RASSF1: variants seen among roughly 807,000 people sequenced by gnomAD.
The protein encoded by RASSF1 is ras association domain-containing protein 1.
RASSF1 carries 33 observed loss-of-function variants against 34.3 expected under a neutral mutation model. The observed-to-expected ratio is 0.96, with a 90% CI of 0.73 to 1.29. RASSF1 has a LOEUF of 1.29. RASSF1 is among the 50% of genes most tolerant of loss of function. The pLI is 0.00. For synonymous variants in RASSF1, 191 were observed against 195.0 expected (o/e 0.98, Z 0.17); for missense variants, 445 against 471.8 (o/e 0.94, Z 0.53).
Position 50,331,837 on chromosome 3 carries a change from G to A in RASSF1, c.482C>T (p.Thr161Ile), listed in dbSNP as rs1575540521. Residue 161 changes from threonine to isoleucine, a missense_variant, in exon 4 of 6, where the codon ACA becomes ATA. Thr to Ile is a moderately conservative substitution (Grantham distance 89). Transcript: ENST00000359365. ...CTTCAGCTGAACCTTGATGAAGCCT[G>A]TGTAAGAACCGTCCTTGTTCTAAAG... ...FMSLNKDGSY[T>I]GFIKVQLKLV... 1 of 1,574,946 alleles carries A rather than the reference G, an allele frequency of 6.3e-7. No individual in the cohort carries two copies. Among genetic ancestry groups the A allele is most frequent in the Non-Finnish European group, 8.6e-7 (1 of 1,156,166 alleles).
rs1264442279 is a variant in RASSF1 at position 50,340,810 on chromosome 3, C to G, written c.-5G>C. ...GAGCTCAGGCTCCCCCGACATGGCC[C>G]GGTTGGGCCCGTGCTTCGCTGGCTT... On this transcript the variant is annotated 5_prime_UTR_variant, in exon 1 of 6. Transcript: ENST00000359365. The G allele has an allele frequency of 2.0e-6, 3 of 1,492,052 alleles. No homozygotes were observed. The highest frequency in any genetic ancestry group is 2.6e-6 in the Non-Finnish European group (3 of 1,132,902). The allele number at this position is 1,492,052 out of a possible 1,614,324, so 92.4% of individuals were successfully genotyped here. A position where few individuals can be genotyped will look rare whatever the true frequency, so the allele number is the denominator to read the frequency against.
At chr3:50,335,135 A>C (rs1298117614) in intron 2 of RASSF1, among the ~76,000 whole-genome samples, 1 of 151,894 alleles carries the variant, frequency 6.6e-6, no homozygotes, top group African/African-American at 2.4e-5. Flanking sequence ...TTTTTAGTCG[A>C]GACGGGGTTT....
Position 50,330,260 on chromosome 3 carries a change from C to A in RASSF1, c.*321G>T, listed in dbSNP as rs1553718088. ...CATGACCCTGTTCTGTTTGCAGGGTCTCCAAGATTTTCACTTCTGAGACAA... is the reference window on the plus strand; with the variant it reads ...CATGACCCTGTTCTGTTTGCAGGGTATCCAAGATTTTCACTTCTGAGACAA... On this transcript the variant is annotated 3_prime_UTR_variant, in exon 6 of 6. Transcript: ENST00000359365. This position sits in a 1 kb window ranked among gnomAD's most constrained non-coding sequence, Gnocchi z 4.5. 1 of 300,068 alleles carries A rather than the reference C, an allele frequency of 3.3e-6. No individual in the cohort carries two copies. Among genetic ancestry groups the A allele is most frequent in the African/African-American group, 2.2e-5 (1 of 46,026 alleles). 18.6% of individuals were successfully genotyped at this position (300,068 alleles called of 1,614,324 possible).
Position 50,330,745 on chromosome 3 carries a change from G to C in RASSF1, c.877-18C>G. The C allele has an allele frequency of 1.2e-6, 2 of 1,612,848 alleles. No individual in the cohort carries two copies. The highest frequency in any genetic ancestry group is 1.7e-5 in the Admixed American group (1 of 59,968). On this transcript the variant is annotated intron_variant, in intron 5 of 5. Transcript: ENST00000359365. This position sits in a 1 kb window ranked among gnomAD's most constrained non-coding sequence, Gnocchi z 4.5. ...GCGTCCCACTGCAAGGGGCAAAAGG[G>C]GAGTGTACAGGCTGCAGAAGGGATG...
chr3:50,340,716 G>A lies in RASSF1; in HGVS notation c.90C>T (p.Asn30=). ...CGGTGCCCCGCGCGATGCGCAGCGC[G>A]TTGGCACGCTCCAGCCGGGTGCGGC... The part of the protein sequence containing the change: ...GKGRTRLERA[N]ALRIARGTAC... The change falls in exon 1 of 6, where the codon AAC becomes AAT. Residue 30 remains asparagine (N), a synonymous_variant. Coordinates refer to ENST00000359365, the MANE Select transcript of RASSF1 (RefSeq NM_007182.5). 6 of 1,525,080 alleles carry A rather than the reference G, an allele frequency of 3.9e-6. No homozygotes were observed. Among genetic ancestry groups the A allele is most frequent in the Non-Finnish European group, 5.2e-6 (6 of 1,146,362 alleles). The allele number at this position is 1,525,080 out of a possible 1,614,324, so 94.5% of individuals were successfully genotyped here.
chr3:50,333,479 G>T (rs905812115), intron 2 of RASSF1, among the ~76,000 whole-genome samples: 17 of 151,768 alleles, frequency 1.1e-4, no homozygotes, highest in Admixed American at 1.1e-3. Flanking sequence ...TTGGCCCAAA[G>T]ATTTTTTTTT....
Position 50,337,890 on chromosome 3 carries a change from C to T in RASSF1, c.357+15G>A. ...CATCCTCGCCCTTCCCATACGCCCT[C>T]GGCCCCGCGCTCACCACGTTCGTGT... On this transcript the variant is annotated intron_variant, in intron 2 of 5. Transcript: ENST00000359365. 3 of 1,575,330 alleles carry T rather than the reference C, an allele frequency of 1.9e-6. No individual in the cohort carries two copies. The highest frequency in any genetic ancestry group is 2.6e-6 in the Non-Finnish European group (3 of 1,147,304).
At chr3:50,337,334 G>C in intron 2 of RASSF1, 1 of 1,608,992 alleles carries the variant, frequency 6.2e-7, no homozygotes, top group Non-Finnish European at 8.5e-7. Context: ...GTACCCGCCC[G>C]TCCCCCAGTC....
Position 50,337,383 on chromosome 3 carries a change from T to G in RASSF1, c.357+522A>C, listed in dbSNP as rs977568368. The G allele has an allele frequency of 2.5e-6, 4 of 1,595,830 alleles. No individual in the cohort carries two copies. In the African/African-American group the frequency reaches 5.4e-5, roughly 21 times the overall value. ...GCCGCCAACCACCGCCCCGGTCGCG[T>G]GCGTGCGTGTACGCGTGTCAGTGTG... On this transcript the variant is annotated intron_variant, in intron 2 of 5. Transcript: ENST00000359365.
chr3:50,338,227 A>G (rs1703235795), intron 1 of RASSF1: 5 of 1,386,002 alleles, frequency 3.6e-6, no homozygotes, highest in Non-Finnish European at 4.7e-6. Flanking sequence ...GGCCTGCTCA[A>G]CAGTTGGATC....
intron 1 of RASSF1, 129 bp downstream of exon 1, chr3:50,340,427 C>A: frequency 7.9e-7 from 1 of 1,258,340 alleles, no homozygotes; most frequent in East Asian, 3.2e-5. Flanking sequence ...AGCGATGGGG[C>A]GAAAGTAACG....
intron 1 of RASSF1, chr3:50,338,254 G>C: frequency 7.9e-7 from 1 of 1,270,102 alleles, no homozygotes; most frequent in Non-Finnish European, 1.0e-6. Flanking sequence ...GCCTAGCACA[G>C]AACTTCCCCT....
chr3:50,335,590 A>G (rs1439257528), intron 2 of RASSF1, among the ~76,000 whole-genome samples: 1 of 152,092 alleles, frequency 6.6e-6, no homozygotes, highest in Non-Finnish European at 1.5e-5. Flanking sequence ...AAATGCTGAG[A>G]TTACAGGCAT....
chr3:50,337,102 C>A, intron 2 of RASSF1: 1 of 1,474,462 alleles, frequency 6.8e-7, no homozygotes, highest in Non-Finnish European at 9.0e-7. Context: ...CAGGACGCGG[C>A]AACGGACCGG....
At chr3:50,332,687 G>A (rs587724377) in intron 2 of RASSF1, among the ~76,000 whole-genome samples, 66 of 152,198 alleles carry the variant, frequency 4.3e-4, no homozygotes, top group South Asian at 1.5e-3. Context: ...AACTGTTCAG[G>A]AGGCTGAGGT....
chr3:50,331,516 C>T (rs373273906), intron 4 of RASSF1, 43 bp downstream of exon 4: 14 of 1,470,278 alleles, frequency 9.5e-6, no homozygotes, highest in East Asian at 2.5e-5. Context: ...CAGGTGCATG[C>T]GTATATACCC....
At chr3:50,339,932 G>C (rs587768521) in intron 1 of RASSF1, among the ~76,000 whole-genome samples, 6 of 152,178 alleles carry the variant, frequency 3.9e-5, no homozygotes, top group Non-Finnish European at 7.4e-5. Context: ...CCAGGCTAGC[G>C]GGGAGGACTG....
intron 1 of RASSF1, among the ~76,000 whole-genome samples, chr3:50,339,562 T>G (rs1252388085): frequency 1.1e-4 from 17 of 151,912 alleles, no homozygotes; most frequent in Admixed American, 1.0e-3. Context: ...AGACATGAGG[T>G]TTCACCATGT....
intron 2 of RASSF1, chr3:50,336,404 C>G (rs3774754): frequency 6.6e-6 from 1 of 152,178 alleles, no homozygotes; most frequent in African/African-American, 2.4e-5. Flanking sequence ...CCAATGGCAT[C>G]TGGCACACAG....
Sources: gnomAD v4.1 joint callset for allele counts (sites outside exome capture counted in the v4.1 genomes callset) on GRCh38, gnomAD v4.1.1 for gene constraint, Gnocchi (gnomAD v3.1) non-coding constraint, MANE v1.5 for transcripts, NCBI Gene and HGNC (gene_info 2026-07-23, HGNC 2026-07-21) for gene names.